Variants in CLIC2 observed in about 807,000 individuals in gnomAD.
CLIC2 encodes the protein chloride intracellular channel protein 2.
In CLIC2, 9 loss-of-function variants were observed where a neutral mutation model predicts 14.8. The ratio of observed to expected loss-of-function variants is 0.61; its 90% CI spans 0.37 to 1.06. The LOEUF is 1.06. Ranked by LOEUF, CLIC2 falls within the 50% of genes least tolerant of loss-of-function variation. The pLI, the probability that CLIC2 is intolerant of heterozygous loss-of-function variation, is 0.01. For missense variants in CLIC2, 148 were observed against 181.4 expected (o/e 0.82, Z 1.06); for synonymous variants, 61 against 66.3 (o/e 0.92, Z 0.39).
intron 1 of CLIC2, among the ~76,000 whole-genome samples, chrX:155,312,917 C>T (rs1051341120): frequency 9.0e-6 from 1 of 111,440 alleles, no homozygotes; most frequent in Non-Finnish European, 1.9e-5. Flanking sequence ...TGAATAGACA[C>T]TTTTCAAAAG....
chrX:155,323,136 T>C (rs1246906474), intron 1 of CLIC2, among the ~76,000 whole-genome samples: 1 of 111,842 alleles, frequency 8.9e-6, no homozygotes, highest in Non-Finnish European at 1.9e-5. Flanking sequence ...TCTGAAACTA[T>C]TCCAAACAAT....
intron 3 of CLIC2, among the ~76,000 whole-genome samples, chrX:155,296,102 C>T (rs1315754753): frequency 8.9e-6 from 1 of 111,955 alleles, no homozygotes; most frequent in Non-Finnish European, 1.9e-5. Flanking sequence ...CATCACATTA[C>T]CTGACTTTGA....
intron 1 of CLIC2, 131 bp from the exon 2 acceptor site, chrX:155,299,276 G>T: frequency 2.0e-6 from 1 of 507,310 alleles, no homozygotes. Flanking sequence ...CATCATCTAT[G>T]GACAGAGAGA....
intron 1 of CLIC2, among the ~76,000 whole-genome samples, chrX:155,302,972 C>T (rs1399162087): frequency 1.1e-5 from 1 of 93,544 alleles, no homozygotes; most frequent in African/African-American, 3.7e-5. Flanking sequence ...TGTTCTTTTG[C>T]ATTTGCTGAG....
chrX:155,295,318 C>G lies in CLIC2; in HGVS notation c.293+3467G>C, dbSNP rs1262832515. Among the ~76,000 whole-genome samples, 6 of 110,645 alleles carry G rather than the reference C, an allele frequency of 5.4e-5. No individual in the cohort carries two copies. In the East Asian group the frequency reaches 1.7e-3, roughly 31 times the overall value. Reference sequence around the variant, plus strand: ...AAAAGCATTTGATAAAATTCAACACCCCTTCATGATAAAACCTCTCAACAA... The same window carrying G: ...AAAAGCATTTGATAAAATTCAACACGCCTTCATGATAAAACCTCTCAACAA... On this transcript the variant is annotated intron_variant, in intron 3 of 5. Coordinates refer to ENST00000369449, the MANE Select transcript of CLIC2 (RefSeq NM_001289.6).
At position 155,276,326 on chromosome X, in the gene CLIC2, C is replaced by T. The variant is rs984056894; in HGVS notation, c.*1577G>A. ...ACACACAGTATAATGATCAAATAGGCGTAATTACCATATCCACCACTATAA... is the reference window on the plus strand; with the variant it reads ...ACACACAGTATAATGATCAAATAGGTGTAATTACCATATCCACCACTATAA... On this transcript the variant is annotated 3_prime_UTR_variant, in exon 6 of 6. Coordinates refer to ENST00000369449, the MANE Select transcript of CLIC2 (RefSeq NM_001289.6). 1.9e-4 allele frequency: 21 copies of T among 111,879 alleles called. No individual in the cohort carries two copies. Among genetic ancestry groups the T allele is most frequent in the African/African-American group, 6.5e-5 (2 of 30,811 alleles). 9.2% of individuals were successfully genotyped at this position (111,879 alleles called of 1,213,427 possible).
chrX:155,299,633 A>T (rs1002959724), intron 1 of CLIC2, among the ~76,000 whole-genome samples: 2 of 108,293 alleles, frequency 1.8e-5, no homozygotes, highest in South Asian at 4.2e-4. Flanking sequence ...TGTGCAGGTT[A>T]GTTACATATG....
intron 1 of CLIC2, among the ~76,000 whole-genome samples, chrX:155,325,895 C>G (rs1425484311): frequency 9.9e-6 from 1 of 101,098 alleles, no homozygotes; most frequent in Non-Finnish European, 2.0e-5. Flanking sequence ...GAATTGGAGA[C>G]TATTATTCTA....
chrX:155,325,761 G>GATATAATAT (rs1214249356), intron 1 of CLIC2, among the ~76,000 whole-genome samples: 8 of 32,861 alleles, frequency 2.4e-4, no homozygotes, highest in African/African-American at 8.6e-4. Context: ...AAGAAAATGT[G>GATATAATAT]ATATATATAT....
chrX:155,291,384 G>T, intron 3 of CLIC2: 1 of 622,806 alleles, frequency 1.6e-6, no homozygotes, highest in Non-Finnish European at 2.7e-6. Flanking sequence ...ACGTGGCGGC[G>T]GCCACTAGCT....
At chrX:155,291,090 C>T (rs1209242453) in intron 3 of CLIC2, 19 of 920,638 alleles carry the variant, frequency 2.1e-5, no homozygotes, top group Non-Finnish European at 3.0e-5. Flanking sequence ...CCTTTTTTGA[C>T]GGACATGAGA....
intron 3 of CLIC2, chrX:155,292,717 C>T (rs2074977308): frequency 7.9e-6 from 3 of 379,061 alleles, no homozygotes; most frequent in Admixed American, 4.6e-5. Flanking sequence ...TTGCAGTGAG[C>T]CGAGATCGCG....
intron 3 of CLIC2, among the ~76,000 whole-genome samples, chrX:155,296,158 A>T (rs2074991154): frequency 8.9e-6 from 1 of 112,188 alleles, no homozygotes; most frequent in Admixed American, 9.4e-5. Context: ...GTTATGGTAT[A>T]AAAATAGACA....
At chrX:155,282,821 CT>C (rs1236519394) in intron 3 of CLIC2, among the ~76,000 whole-genome samples, 2 of 111,556 alleles carry the variant, frequency 1.8e-5, no homozygotes, top group Admixed American at 1.9e-4. Flanking sequence ...CACTCCCAGG[CT>C]TTGGGTCTGT....
In CLIC2 at chrX:155,299,161, G is replaced by C; in HGVS notation, c.58-16C>G. On this transcript the variant is annotated splice_polypyrimidine_tract_variant and intron_variant, in intron 1 of 5. Coordinates refer to ENST00000369449, the MANE Select transcript of CLIC2 (RefSeq NM_001289.6). ...CACTTCCAGCCTATTAAGATAAAGA[G>C]AGACCTCAGTTCATTTGTTTGTTCA... 1 of 1,131,163 alleles carries C rather than the reference G, an allele frequency of 8.8e-7. No individual in the cohort carries two copies. Among genetic ancestry groups the C allele is most frequent in the South Asian group, 1.8e-5 (1 of 55,159 alleles). 93.2% of individuals were successfully genotyped at this position (1,131,163 alleles called of 1,213,427 possible). A position where few individuals can be genotyped will look rare whatever the true frequency, so the allele number is the denominator to read the frequency against.
chrX:155,323,490 G>A (rs932297248), intron 1 of CLIC2, among the ~76,000 whole-genome samples: 2 of 111,799 alleles, frequency 1.8e-5, no homozygotes, highest in Non-Finnish European at 3.8e-5. Flanking sequence ...ATACCTTCAT[G>A]CTAAAAACTC....
chrX:155,301,192 G>T (rs1441490449), intron 1 of CLIC2, among the ~76,000 whole-genome samples: 2 of 97,222 alleles, frequency 2.1e-5, no homozygotes, highest in African/African-American at 3.6e-5. Context: ...TCACGATATT[G>T]ATTCTTCCTA....
chrX:155,289,558 T>C (rs1557317401), intron 3 of CLIC2, among the ~76,000 whole-genome samples: 1 of 112,460 alleles, frequency 8.9e-6, no homozygotes, highest in African/African-American at 3.2e-5. Context: ...TATAAATGTA[T>C]GGTTTTGGAG....
At chrX:155,331,892 TCTTC>T (rs2075158129) in intron 1 of CLIC2, among the ~76,000 whole-genome samples, 1 of 111,466 alleles carries the variant, frequency 9.0e-6, no homozygotes, top group Admixed American at 9.6e-5. Context: ...GAGTATCATC[TCTTC>T]CTTCTTTCCC....
Sources: allele counts gnomAD v4.1 joint callset (sites outside exome capture counted in the v4.1 genomes callset), GRCh38; gene constraint gnomAD v4.1.1; transcripts MANE v1.5; gene names NCBI Gene and HGNC (gene_info 2026-07-23, HGNC 2026-07-21).